TMEM182: variants seen among roughly 807,000 people sequenced by gnomAD.
TMEM182 encodes transmembrane protein 182.
In TMEM182, 20 loss-of-function variants were observed where a neutral mutation model predicts 26.8. The ratio of observed to expected loss-of-function variants is 0.75; its 90% CI spans 0.53 to 1.09. The LOEUF (loss-of-function observed/expected upper bound fraction) is 1.09. Among genes scored for constraint, TMEM182 ranks in the 50% least tolerant of loss-of-function variants. The pLI, the probability that TMEM182 is intolerant of heterozygous loss-of-function variation, is 0.00. For missense variants in TMEM182, 277 were observed against 275.5 expected (o/e 1.01, Z -0.04); for synonymous variants, 109 against 102.2 (o/e 1.07, Z -0.40).
upstream of TMEM182, among the ~76,000 whole-genome samples, chr2:102,757,863 A>G (rs911148934): frequency 1.3e-5 from 2 of 152,210 alleles, no homozygotes; most frequent in African/African-American, 2.4e-5. Context: ...GGAAGCAAGC[A>G]TCTTCTTCAC....
chr2:102,820,014 A>G (rs754369752), downstream of TMEM182, among the ~76,000 whole-genome samples: 1 of 152,204 alleles, frequency 6.6e-6, no homozygotes, highest in Non-Finnish European at 1.5e-5. Context: ...GTCAATAAGT[A>G]TTTATTTAAT....
intron 4 of TMEM182, 95 bp from the exon 5 acceptor site, chr2:102,814,653 C>A: frequency 9.3e-7 from 1 of 1,077,086 alleles, no homozygotes; most frequent in Non-Finnish European, 1.3e-6. Flanking sequence ...AATGTATTTG[C>A]AGGAGCTTGT....
chr2:102,805,182 G>A (rs1682300815), intron 4 of TMEM182, among the ~76,000 whole-genome samples: 2 of 152,090 alleles, frequency 1.3e-5, no homozygotes, highest in Admixed American at 1.3e-4. Context: ...ATTCTTCCTT[G>A]CAAGCTTATT....
rs528459079 is a variant in TMEM182 at position 102,751,205 on chromosome 2, G to C, written c.-82-7184G>C. ...CGTGAGAGAGAGGGTTGCCCGAGTG[G>C]GTCTTCCGGCCCACTACGGAGTTCA... On this transcript the variant is annotated intron_variant, in intron 1 of 5. Coordinates refer to the TMEM182 transcript ENST00000409173. Among the ~76,000 whole-genome samples the C allele has an allele frequency of 3.9e-5, 6 of 152,218 alleles. No individual in the cohort carries two copies. In the South Asian group the frequency reaches 1.2e-3, roughly 32 times the overall value.
At chr2:102,763,649 A>G (rs1321389398) in intron 2 of TMEM182, among the ~76,000 whole-genome samples, 1 of 152,226 alleles carries the variant, frequency 6.6e-6, no homozygotes, top group African/African-American at 2.4e-5. Flanking sequence ...GAGAATAAGC[A>G]TACAACTTGC....
chr2:102,738,323 G>A (rs145632120), intron 1 of TMEM182, among the ~76,000 whole-genome samples: 3 of 152,262 alleles, frequency 2.0e-5, no homozygotes, highest in Admixed American at 6.5e-5. Context: ...GGCCAGGCGC[G>A]GTGGCTCACA....
chr2:102,767,602 C>G (rs1680505462), intron 3 of TMEM182, among the ~76,000 whole-genome samples: 1 of 152,150 alleles, frequency 6.6e-6, no homozygotes, highest in Non-Finnish European at 1.5e-5. Context: ...TTATGCTTAA[C>G]TGGAATTGTT....
intron 3 of TMEM182, among the ~76,000 whole-genome samples, chr2:102,842,691 T>A (rs186140098): frequency 6.6e-6 from 1 of 152,220 alleles, no homozygotes; most frequent in Admixed American, 6.5e-5. Context: ...TTAATTTTGT[T>A]CCTTCCTTGC....
At chr2:102,821,398 C>T (rs1344800985), downstream of TMEM182, among the ~76,000 whole-genome samples, 1 of 152,094 alleles carries the variant, frequency 6.6e-6, no homozygotes, top group Non-Finnish European at 1.5e-5. Flanking sequence ...AGTGAGTTCT[C>T]ACGAGTTGTA....
chr2:102,828,592 T>TC (rs1482628044), intron 3 of TMEM182, among the ~76,000 whole-genome samples: 3 of 152,180 alleles, frequency 2.0e-5, no homozygotes, highest in Non-Finnish European at 4.4e-5. Flanking sequence ...AGTTAAGGCT[T>TC]CCAAGTGATG....
chr2:102,825,255 A>T (rs766570977), intron 3 of TMEM182, among the ~76,000 whole-genome samples: 2 of 152,248 alleles, frequency 1.3e-5, no homozygotes, highest in Non-Finnish European at 2.9e-5. Context: ...AAAAGTAATA[A>T]ATATTAATTA....
At chr2:102,818,817 A>G (rs73005401), downstream of TMEM182, among the ~76,000 whole-genome samples, 2,286 of 152,164 alleles carry the variant, frequency 0.015, 61 homozygotes, top group African/African-American at 0.052. Context: ...CTCTATATAG[A>G]TAGATACTCT....
rs537465917 is a variant in TMEM182 at position 102,834,200 on chromosome 2, G to A, written c.326-9212G>A. Among the ~76,000 whole-genome samples, 7 of 152,276 alleles carry A rather than the reference G, an allele frequency of 4.6e-5. No individual in the cohort carries two copies. The South Asian group carries it at 1.5e-3, about 32-fold the overall frequency. ...TAAATATATCTCTGGCAATGACATG[G>A]CTGCCTATAGCCATCCCTACTTTGC... On this transcript the variant is annotated intron_variant, in intron 3 of 3. Transcript: ENST00000486293.
intron 3 of TMEM182, among the ~76,000 whole-genome samples, chr2:102,773,531 A>G (rs1680771370): frequency 1.0e-5 from 1 of 97,410 alleles, no homozygotes; most frequent in Non-Finnish European, 2.0e-5. Flanking sequence ...GGTGACAACA[A>G]CAGAAGCGAA....
At position 102,762,236 on chromosome 2, in the gene TMEM182, A is replaced by G. The variant is rs750534878; in HGVS notation, c.19A>G (p.Ile7Val). The G allele has an allele frequency of 1.1e-5, 18 of 1,611,840 alleles. No homozygotes were observed. The highest frequency in any genetic ancestry group is 1.4e-5 in the Non-Finnish European group (16 of 1,178,906). MRLNIA[I>V]FFGALFGALG... Reference sequence around the variant, plus strand: ...ATTGAAAATGAGACTAAATATCGCTATCTTCTTTGGAGCTCTCTTTGGTGC... The same window carrying G: ...ATTGAAAATGAGACTAAATATCGCTGTCTTCTTTGGAGCTCTCTTTGGTGC... The change falls in exon 1 of 5, where the codon ATC (isoleucine) becomes GTC (valine). Residue 7 changes from isoleucine (I) to valine (V), a missense_variant. Transcript: ENST00000412401.
At chr2:102,769,384 G>A (rs1420521670) in intron 3 of TMEM182, among the ~76,000 whole-genome samples, 1 of 152,174 alleles carries the variant, frequency 6.6e-6, no homozygotes, top group Non-Finnish European at 1.5e-5. Flanking sequence ...CAAGGATGAT[G>A]AAGAAGTTTC....
intron 3 of TMEM182, among the ~76,000 whole-genome samples, chr2:102,830,835 C>T (rs1331451517): frequency 1.3e-5 from 2 of 152,090 alleles, no homozygotes; most frequent in African/African-American, 4.8e-5. Flanking sequence ...CCATCCTCAC[C>T]TCCACCCTCC....
chr2:102,787,911 C>T (rs960133291), intron 3 of TMEM182, among the ~76,000 whole-genome samples: 1 of 152,180 alleles, frequency 6.6e-6, no homozygotes, highest in Non-Finnish European at 1.5e-5. Context: ...GAGGAAAGAA[C>T]ACATGTGAGG....
intron 1 of TMEM182, among the ~76,000 whole-genome samples, chr2:102,750,399 C>T (rs1679843875): frequency 6.6e-6 from 1 of 152,138 alleles, no homozygotes; most frequent in Admixed American, 6.5e-5. Context: ...ATTCCTATAC[C>T]TGTTTTTTGC....
Sources: allele counts gnomAD v4.1 joint callset (sites outside exome capture counted in the v4.1 genomes callset), GRCh38; gene constraint gnomAD v4.1.1; transcripts MANE v1.5; gene names NCBI Gene and HGNC (gene_info 2026-07-23, HGNC 2026-07-21).